SRP68: variants seen among roughly 807,000 people sequenced by gnomAD.
SRP68 encodes signal recognition particle 68.
A neutral mutation model predicts 82.2 loss-of-function variants in SRP68; 15 were observed. The ratio of observed to expected loss-of-function variants is 0.18; its 90% CI spans 0.12 to 0.28. The LOEUF is 0.28. Ranked by LOEUF, SRP68 falls within the 10% of genes least tolerant of loss-of-function variation. The probability of loss-of-function intolerance (pLI) is 1.00; values close to 1 mark genes in which losing one functional copy is unlikely to be tolerated. For synonymous variants in SRP68, 261 were observed against 292.6 expected, an observed-to-expected ratio of 0.89 and a Z score of 1.10; for missense variants, 595 against 780.5, an observed-to-expected ratio of 0.76 and a Z score of 2.83.
At chr17:76,061,680 G>A in intron 4 of SRP68, 106 bp from the exon 5 acceptor site, 1 of 910,632 alleles carries the variant, frequency 1.1e-6, no homozygotes, top group East Asian at 2.8e-5. Flanking sequence ...ATGGATATGG[G>A]CCAGGTGCAG....
At position 76,039,802 on chromosome 17, in the gene SRP68, G is replaced by A; in HGVS notation, c.1788C>T (p.Asn596=). The A allele has an allele frequency of 6.2e-7, 1 of 1,614,236 alleles. No individual in the cohort carries two copies. The highest frequency in any genetic ancestry group is 1.6e-4 in the Middle Eastern group (1 of 6,062). ...CKPLFFDLAL[N]HVAFPPLEDK... ...CCTCAAGGGGTGGGAAAGCCACATG[G>A]TTGAGGGCCAGGTCAAAGAACAAAG... The change falls in exon 16 of 16, where the codon AAC becomes AAT. Residue 596 remains asparagine (N), a synonymous_variant. Transcript: ENST00000307877.
At chr17:76,054,403 G>A (rs1310161562) in intron 8 of SRP68, among the ~76,000 whole-genome samples, 1 of 151,788 alleles carries the variant, frequency 6.6e-6, no homozygotes, top group African/African-American at 2.4e-5. Context: ...TGAGGTTTAG[G>A]AAAAAAATAC....
chr17:76,045,899 G>A (rs770295421), intron 11 of SRP68, 139 bp downstream of exon 11: 3 of 1,036,212 alleles, frequency 2.9e-6, no homozygotes, highest in East Asian at 2.4e-5. Context: ...CAGAACTGGT[G>A]TAAGATCTTT....
At chr17:76,046,291 G>A (rs1273481700) in intron 10 of SRP68, 97 bp from the exon 11 acceptor site, 7 of 1,381,652 alleles carry the variant, frequency 5.1e-6, no homozygotes, top group Non-Finnish European at 7.0e-6. Context: ...AGGAAGCAGG[G>A]GGCGGGTGGG....
chr17:76,067,717 C>A (rs1304340083), intron 2 of SRP68, among the ~76,000 whole-genome samples: 1 of 152,132 alleles, frequency 6.6e-6, no homozygotes, highest in African/African-American at 2.4e-5. Flanking sequence ...CCGCCCACCC[C>A]AGCCTTCCAA....
At chr17:76,063,118 G>A (rs1047594118) in intron 4 of SRP68, among the ~76,000 whole-genome samples, 16 of 151,904 alleles carry the variant, frequency 1.1e-4, no homozygotes, top group African/African-American at 1.7e-4. Flanking sequence ...AGAGAAATAC[G>A]TATTTAACCA....
chr17:76,063,058 C>T (rs1232776258), intron 4 of SRP68, among the ~76,000 whole-genome samples: 3 of 151,630 alleles, frequency 2.0e-5, no homozygotes, highest in African/African-American at 2.4e-5. Context: ...GCGTGAGCCA[C>T]CACGCCCGGC....
At chr17:76,055,611 G>A (rs1002333187) in intron 8 of SRP68, among the ~76,000 whole-genome samples, 3 of 151,622 alleles carry the variant, frequency 2.0e-5, no homozygotes, top group Non-Finnish European at 2.9e-5. Flanking sequence ...AAAATTAGCC[G>A]GGTGTGATGG....
chr17:76,069,012 AAT>A (rs148525020), intron 2 of SRP68, among the ~76,000 whole-genome samples: 4 of 148,076 alleles, frequency 2.7e-5, no homozygotes, highest in South Asian at 2.1e-4. Flanking sequence ...TAAATAAATA[AAT>A]ATATATATAT....
chr17:76,069,908 C>A (rs2066836661), intron 2 of SRP68, among the ~76,000 whole-genome samples: 1 of 151,610 alleles, frequency 6.6e-6, no homozygotes, highest in African/African-American at 2.4e-5. Flanking sequence ...GAAACCCCAT[C>A]TCTACTAAAA....
chr17:76,054,794 C>T (rs150306140), intron 8 of SRP68, among the ~76,000 whole-genome samples: 47 of 151,458 alleles, frequency 3.1e-4, no homozygotes, highest in Non-Finnish European at 5.0e-4. Context: ...TTGCACAACG[C>T]GTTAATAAAA....
chr17:76,061,094 T>A lies in SRP68; in HGVS notation c.754+16A>T. On this transcript the variant is annotated intron_variant, in intron 6 of 15. Transcript: ENST00000307877. The stretch of plus-strand genomic sequence containing the variant: ...AATGTTCAAGTTGAGTATAATGCCT[T>A]GATCCCTGCTCTCACCAATATTATA... 3.9e-6 allele frequency: 6 copies of A among 1,520,162 alleles called. No homozygotes were observed. Among genetic ancestry groups the A allele is most frequent in the Non-Finnish European group, 5.5e-6 (6 of 1,095,136 alleles). The allele number at this position is 1,520,162 out of a possible 1,614,324, so 94.2% of individuals were successfully genotyped here. A position where few individuals can be genotyped will look rare whatever the true frequency, so the allele number is the denominator to read the frequency against.
chr17:76,068,058 G>T (rs531426052), intron 2 of SRP68, among the ~76,000 whole-genome samples: 2 of 152,178 alleles, frequency 1.3e-5, no homozygotes, highest in South Asian at 4.2e-4. Context: ...TTGGGAGGCC[G>T]AGGTGGGCGG....
chr17:76,048,045 G>A, intron 9 of SRP68, 75 bp from the exon 10 acceptor site: 1 of 1,013,416 alleles, frequency 9.9e-7, no homozygotes, highest in Non-Finnish European at 1.4e-6. Flanking sequence ...TGGAATGGTG[G>A]GGTCTCCAAA....
intron 8 of SRP68, 23 bp downstream of exon 8, chr17:76,057,380 C>T (rs766683150): frequency 2.0e-5 from 33 of 1,613,854 alleles, no homozygotes; most frequent in Non-Finnish European, 2.7e-5. Flanking sequence ...CAGAAGACAG[C>T]ACAGTAAGTT....
At position 76,043,881 on chromosome 17, in the gene SRP68, T is replaced by C; in HGVS notation, c.1472A>G (p.Lys491Arg). ...ATCAGAATTTACTTCATTTGCATAT[T>C]TCAGGACTCTGTCATACAGGACAAG... is the stretch of plus-strand genomic sequence containing the variant. ...EALVLYDRVLKYANEVNSDAG... is the reference protein window; with the variant it reads ...EALVLYDRVLRYANEVNSDAG... Residue 491 changes from lysine to arginine, a missense_variant, in exon 13 of 16, where the codon AAA (lysine) becomes AGA (arginine). Coordinates refer to ENST00000307877, the MANE Select transcript of SRP68 (RefSeq NM_014230.4). 1 of 1,612,062 alleles carries C rather than the reference T, an allele frequency of 6.2e-7. No homozygotes were observed. Among genetic ancestry groups the C allele is most frequent in the Non-Finnish European group, 8.5e-7 (1 of 1,179,450 alleles).
At position 76,039,535 on chromosome 17, in the gene SRP68, C is replaced by T. The variant is rs189224939; in HGVS notation, c.*171G>A. On this transcript the variant is annotated 3_prime_UTR_variant, in exon 16 of 16. Coordinates refer to ENST00000307877, the MANE Select transcript of SRP68 (RefSeq NM_014230.4). ...AAGACAACAGGGTGCTCTCCTGACA[C>T]GCTGCTTAAGAACGTGTACAGACAC... is the stretch of plus-strand genomic sequence containing the variant. 38 of 689,914 alleles carry T rather than the reference C, an allele frequency of 5.5e-5. No individual in the cohort carries two copies. The highest frequency in any genetic ancestry group is 7.7e-5 in the Non-Finnish European group (31 of 401,638). The allele number at this position is 689,914 out of a possible 1,614,324, so 42.7% of individuals were successfully genotyped here. A position where few individuals can be genotyped will look rare whatever the true frequency, so the allele number is the denominator to read the frequency against.
intron 4 of SRP68, among the ~76,000 whole-genome samples, chr17:76,063,688 A>G (rs553358568): frequency 7.1e-6 from 1 of 140,022 alleles, no homozygotes; most frequent in African/African-American, 2.7e-5. Context: ...ACTCTGTCTG[A>G]AAAAAAAAAA....
At chr17:76,068,108 A>G (rs1247034101) in intron 2 of SRP68, among the ~76,000 whole-genome samples, 2 of 152,106 alleles carry the variant, frequency 1.3e-5, no homozygotes, top group Admixed American at 6.6e-5. Flanking sequence ...CCTGCCCAAC[A>G]TGCAGAAACC....
Sources: allele counts gnomAD v4.1 joint callset (sites outside exome capture counted in the v4.1 genomes callset), GRCh38; gene constraint gnomAD v4.1.1; transcripts MANE v1.5; gene names NCBI Gene and HGNC (gene_info 2026-07-23, HGNC 2026-07-21).